Variants in POLA1 observed in about 807,000 individuals in gnomAD.
POLA1 encodes DNA polymerase alpha catalytic subunit.
POLA1 carries 15 observed loss-of-function variants against 124.0 expected under a neutral mutation model. The observed-to-expected ratio is 0.12, with a 90% CI of 0.08 to 0.19. POLA1 has a LOEUF of 0.19. POLA1 is among the 10% of genes least tolerant of loss of function. The probability of loss-of-function intolerance (pLI) is 1.00; values close to 1 mark genes in which losing one functional copy is unlikely to be tolerated. For missense variants in POLA1, 886 were observed against 1,103.4 expected (o/e 0.80, Z 2.79); for synonymous variants, 408 against 389.4 (o/e 1.05, Z -0.56).
At chrX:24,964,298 A>G (rs2048199754) in intron 36 of POLA1, among the ~76,000 whole-genome samples, 1 of 112,513 alleles carries the variant, frequency 8.9e-6, no homozygotes, top group Non-Finnish European at 1.9e-5. Context: ...GATTGTATGT[A>G]AAGATTTGAG....
chrX:24,789,045 G>C, intron 26 of POLA1: 1 of 1,209,544 alleles, frequency 8.3e-7, no homozygotes, highest in Non-Finnish European at 1.1e-6. Context: ...AGGCCGGCGG[G>C]GCTTTTCAGG....
rs1400185830 is a variant in POLA1, at chrX:24,996,793, C to T, written c.*843C>T. The T allele has an allele frequency of 1.8e-5, 2 of 111,715 alleles. No individual in the cohort carries two copies. Among genetic ancestry groups the T allele is most frequent in the Non-Finnish European group, 3.8e-5 (2 of 53,182 alleles). The allele number at this position is 111,715 out of a possible 1,213,427, so 9.2% of individuals were successfully genotyped here. On this transcript the variant is annotated 3_prime_UTR_variant, in exon 37 of 37. Transcript: ENST00000379068. ...TTTTCTCATTTCTTCACAATAGGAC[C>T]GTCTTTGGCAGCAGCAAAATGTATT... is the stretch of plus-strand genomic sequence containing the variant.
At chrX:24,926,183 G>A (rs1247919461) in intron 35 of POLA1, among the ~76,000 whole-genome samples, 1 of 110,039 alleles carries the variant, frequency 9.1e-6, no homozygotes, top group Non-Finnish European at 1.9e-5. Context: ...TCCAGCATGG[G>A]CAACAGAGTG....
At chrX:24,913,644 A>G (rs1380868161) in intron 35 of POLA1, among the ~76,000 whole-genome samples, 11 of 107,533 alleles carry the variant, frequency 1.0e-4, no homozygotes, top group Non-Finnish European at 1.9e-4. Flanking sequence ...AACCCGGGAG[A>G]TGGAGGTTGC....
chrX:24,949,021 G>A (rs948719195), intron 36 of POLA1, among the ~76,000 whole-genome samples: 5 of 111,040 alleles, frequency 4.5e-5, no homozygotes, highest in Admixed American at 1.9e-4. Context: ...TCTTAATACT[G>A]GAGAATGGTA....
At position 24,909,668 on chromosome X, in the gene POLA1, G is replaced by A. The variant is rs367548381; in HGVS notation, c.4165-20785G>A. Among the ~76,000 whole-genome samples, 291 of 111,357 alleles carry A rather than the reference G, an allele frequency of 2.6e-3. 2 individuals are homozygous for A. Among genetic ancestry groups the A allele is most frequent in the African/African-American group, 8.1e-3 (249 of 30,646 alleles). On this transcript the variant is annotated intron_variant, in intron 35 of 36. Coordinates refer to ENST00000379068, the MANE Select transcript of POLA1 (RefSeq NM_001330360.2). Reference sequence around the variant, plus strand: ...GTAGTATAGTTTGAAGTCAGGTAGCGTGATGCCTCCAGCTTTGTTCTTTTG... The same window carrying A: ...GTAGTATAGTTTGAAGTCAGGTAGCATGATGCCTCCAGCTTTGTTCTTTTG...
At chrX:24,909,857 C>G (rs2047422981) in intron 35 of POLA1, among the ~76,000 whole-genome samples, 1 of 109,906 alleles carries the variant, frequency 9.1e-6, no homozygotes, top group African/African-American at 3.3e-5. Flanking sequence ...ATTGATTCTT[C>G]CTAGCCATGA....
chrX:24,748,177 C>T (rs925544232), intron 24 of POLA1, 134 bp from the exon 25 acceptor site: 10 of 449,291 alleles, frequency 2.2e-5, no homozygotes, highest in East Asian at 3.9e-5. Flanking sequence ...TTATACTACT[C>T]ATGCATTATT....
chrX:24,829,978 A>G (rs2046238448), intron 32 of POLA1, among the ~76,000 whole-genome samples: 2 of 112,325 alleles, frequency 1.8e-5, no homozygotes, highest in South Asian at 7.4e-4. Flanking sequence ...ACAGACATAA[A>G]ATAATTCTCT....
At chrX:24,876,686 G>GC (rs1231695594) in intron 34 of POLA1, among the ~76,000 whole-genome samples, 1 of 104,961 alleles carries the variant, frequency 9.5e-6, no homozygotes, top group African/African-American at 3.4e-5. Context: ...GGGGTCGGGG[G>GC]GGGGGATAGT....
chrX:24,833,155 C>T (rs1428156213), intron 32 of POLA1, among the ~76,000 whole-genome samples: 2 of 110,953 alleles, frequency 1.8e-5, no homozygotes, highest in Non-Finnish European at 3.8e-5. Flanking sequence ...GAGAGCATAC[C>T]ATGTTTGGTT....
intron 26 of POLA1, among the ~76,000 whole-genome samples, chrX:24,793,580 TC>T (rs1201371064): frequency 2.7e-5 from 3 of 110,407 alleles, no homozygotes; most frequent in Non-Finnish European, 3.8e-5. Context: ...GAAGAGAGTC[TC>T]TTTTTTTTGT....
At chrX:24,761,277 T>A (rs1050989850) in intron 26 of POLA1, among the ~76,000 whole-genome samples, 5 of 112,159 alleles carry the variant, frequency 4.5e-5, no homozygotes, top group East Asian at 2.8e-4. Context: ...TTATTTATTT[T>A]TTTATTTATT....
At chrX:24,797,520 T>C (rs750025392) in intron 26 of POLA1, among the ~76,000 whole-genome samples, 2 of 111,409 alleles carry the variant, frequency 1.8e-5, no homozygotes, top group Non-Finnish European at 3.8e-5. Context: ...ATTTTCCAAT[T>C]GCCTATTTGG....
chrX:24,703,477 T>C lies in POLA1; in HGVS notation c.265+130T>C, dbSNP rs1438597249. 3 of 449,915 alleles carry C rather than the reference T, an allele frequency of 6.7e-6. No homozygotes were observed. In the African/African-American group the frequency reaches 7.3e-5, roughly 11 times the overall value. The allele number at this position is 449,915 out of a possible 1,213,427, so 37.1% of individuals were successfully genotyped here. On this transcript the variant is annotated intron_variant, in intron 3 of 36. Coordinates refer to ENST00000379068, the MANE Select transcript of POLA1 (RefSeq NM_001330360.2). ...CAAATGTAAGGCACTGTTAGGATCT[T>C]ACCTTTGGTTTGGATTTTCCTTTAA...
chrX:24,742,439 C>T (rs973617925), intron 22 of POLA1, among the ~76,000 whole-genome samples: 35 of 112,221 alleles, frequency 3.1e-4, no homozygotes, highest in African/African-American at 1.0e-3. Context: ...AAGATAAATG[C>T]CAGTTAAACT....
chrX:24,852,906 C>T (rs753789911), intron 34 of POLA1, among the ~76,000 whole-genome samples: 4 of 111,643 alleles, frequency 3.6e-5, no homozygotes, highest in East Asian at 2.8e-4. Flanking sequence ...GCAGGGCTTC[C>T]GTCTCCATCC....
intron 32 of POLA1, among the ~76,000 whole-genome samples, chrX:24,828,575 C>T (rs1373329753): frequency 8.9e-6 from 1 of 111,976 alleles, no homozygotes; most frequent in East Asian, 2.8e-4. Context: ...CCACTGAAAA[C>T]CTCTGAGTAA....
chrX:24,841,753 A>T lies in POLA1; in HGVS notation c.3838A>T (p.Arg1280Trp). 2 of 1,189,420 alleles carry T rather than the reference A, an allele frequency of 1.7e-6. No individual in the cohort carries two copies. Among genetic ancestry groups the T allele is most frequent in the Non-Finnish European group, 2.3e-6 (2 of 875,670 alleles). The change falls in exon 33 of 37, where the codon AGG (arginine) becomes TGG (tryptophan). Residue 1280 changes from arginine to tryptophan, a missense_variant. Physicochemically the swap from Arg to Trp is moderately radical, Grantham distance 101. Coordinates refer to ENST00000379068, the MANE Select transcript of POLA1 (RefSeq NM_001330360.2). ...ACAGCTCACTGATGAAGAGAAATACAGGGACTGTGAAAGATTCAAATGTCC... is the reference window on the plus strand; with the variant it reads ...ACAGCTCACTGATGAAGAGAAATACTGGGACTGTGAAAGATTCAAATGTCC... ...PAQLTDEEKY[R>W]DCERFKCPCP...
Sources: allele counts gnomAD v4.1 joint callset (sites outside exome capture counted in the v4.1 genomes callset), GRCh38; gene constraint gnomAD v4.1.1; transcripts MANE v1.5; gene names NCBI Gene and HGNC (gene_info 2026-07-23, HGNC 2026-07-21).